Variants in PTPRO observed in about 807,000 individuals in gnomAD.
The protein encoded by PTPRO is protein tyrosine phosphatase receptor type O, also known as receptor-type tyrosine-protein phosphatase O.
A neutral mutation model predicts 145.2 loss-of-function variants in PTPRO; 62 were observed. That is an observed-to-expected ratio of 0.43 (90% CI 0.35 to 0.53). The LOEUF (loss-of-function observed/expected upper bound fraction) is 0.53. Ranked by LOEUF, PTPRO falls within the 20% of genes least tolerant of loss-of-function variation. The pLI, the probability that PTPRO is intolerant of heterozygous loss-of-function variation, is 0.01. For missense variants in PTPRO, 1,345 were observed against 1,482.7 expected (o/e 0.91, Z 1.53); for synonymous variants, 565 against 514.7 (o/e 1.10, Z -1.32).
At chr12:15,336,264 T>C (rs1866759153) in intron 1 of PTPRO, among the ~76,000 whole-genome samples, 1 of 152,270 alleles carries the variant, frequency 6.6e-6, no homozygotes, top group Non-Finnish European at 1.5e-5. Context: ...TTCCCTACTA[T>C]ACATGCTTTT....
chr12:15,507,244 C>T (rs1366803657), intron 6 of PTPRO, among the ~76,000 whole-genome samples: 2 of 151,990 alleles, frequency 1.3e-5, no homozygotes, highest in South Asian at 2.1e-4. Context: ...GAAATCTTCT[C>T]TCTACTAAAA....
intron 1 of PTPRO, among the ~76,000 whole-genome samples, chr12:15,442,903 C>A (rs959458988): frequency 4.2e-4 from 64 of 150,822 alleles, no homozygotes; most frequent in African/African-American, 1.5e-3. Context: ...CTGCCCAAAG[C>A]AATCTACACT....
At chr12:15,367,842 G>C (rs781721023) in intron 1 of PTPRO, among the ~76,000 whole-genome samples, 2 of 152,110 alleles carry the variant, frequency 1.3e-5, no homozygotes, top group South Asian at 4.1e-4. Flanking sequence ...GGCTGTTGTT[G>C]GGATAACCAC....
chr12:15,447,392 G>A (rs1437377510), intron 1 of PTPRO, among the ~76,000 whole-genome samples: 1 of 152,074 alleles, frequency 6.6e-6, no homozygotes, highest in African/African-American at 2.4e-5. Context: ...AGCAATGTGG[G>A]TGAAAAGCAA....
intron 1 of PTPRO, among the ~76,000 whole-genome samples, chr12:15,412,541 A>G (rs1939828672): frequency 6.6e-6 from 1 of 152,214 alleles, no homozygotes; most frequent in Non-Finnish European, 1.5e-5. Flanking sequence ...CATCCTCTGT[A>G]TAACTAGTTG....
intron 1 of PTPRO, among the ~76,000 whole-genome samples, chr12:15,371,790 T>C (rs1471463200): frequency 6.6e-6 from 1 of 152,180 alleles, no homozygotes; most frequent in Non-Finnish European, 1.5e-5. Context: ...GTTTCCCCCA[T>C]GCTGTTCTGA....
intron 12 of PTPRO, among the ~76,000 whole-genome samples, chr12:15,540,501 G>T (rs185116949): frequency 6.6e-6 from 1 of 152,116 alleles, no homozygotes; most frequent in Admixed American, 6.5e-5. Flanking sequence ...GACTCACCAC[G>T]CTGGTCCTTA....
At chr12:15,389,904 T>C (rs1939142277) in intron 1 of PTPRO, among the ~76,000 whole-genome samples, 1 of 152,216 alleles carries the variant, frequency 6.6e-6, no homozygotes, top group Non-Finnish European at 1.5e-5. Context: ...AAAAACTTTT[T>C]CAAGCCTTGT....
In PTPRO at chr12:15,582,077, G is replaced by A. The variant is rs554526912; in HGVS notation, c.3255+276G>A. ...AAGTATTCCTTATGGGAAATAAAGG[G>A]ATGGGTCTGGCTAGTTATCTGCAGC... is the stretch of plus-strand genomic sequence containing the variant. On this transcript the variant is annotated intron_variant, in intron 23 of 26. Transcript: ENST00000281171. 2.6e-5 allele frequency among the ~76,000 whole-genome samples: 4 copies of A among 152,346 alleles called. No individual in the cohort carries two copies. The South Asian group carries it at 6.2e-4, about 24-fold the overall frequency.
intron 1 of PTPRO, among the ~76,000 whole-genome samples, chr12:15,416,721 CTT>C (rs35515527): frequency 8.0e-4 from 114 of 141,890 alleles, no homozygotes; most frequent in Middle Eastern, 3.6e-3. Context: ...CCACTTCCTT[CTT>C]TTTTTTTTTT....
chr12:15,391,112 T>C (rs115726054), intron 1 of PTPRO, among the ~76,000 whole-genome samples: 2,386 of 152,288 alleles, frequency 0.016, 68 homozygotes, highest in African/African-American at 0.054. Flanking sequence ...TACCATTACA[T>C]TGGGGGCTAG....
intron 17 of PTPRO, among the ~76,000 whole-genome samples, chr12:15,563,099 A>G (rs1185467878): frequency 1.3e-5 from 2 of 152,174 alleles, no homozygotes; most frequent in South Asian, 4.1e-4. Flanking sequence ...TGTCATAACC[A>G]TGGCTAATTT....
At chr12:15,408,966 G>C (rs757391023) in intron 1 of PTPRO, among the ~76,000 whole-genome samples, 18 of 152,128 alleles carry the variant, frequency 1.2e-4, no homozygotes, top group Admixed American at 1.3e-4. Flanking sequence ...GTACTTAACA[G>C]AGTGCCTACT....
chr12:15,501,685 C>G lies in PTPRO; in HGVS notation c.727C>G (p.Gln243Glu). 6.2e-7 allele frequency: 1 copy of G among 1,613,876 alleles called. No homozygotes were observed. Among genetic ancestry groups the G allele is most frequent in the Non-Finnish European group, 8.5e-7 (1 of 1,179,866 alleles). ...CTTGAACAAAAACAACTGGGAAGAA[C>G]AGAGTGGCAATTTCCCAGAAGAATC... The part of the protein sequence containing the change: ...VNLNKNNWEE[Q>E]SGNFPEESFM... The change falls in exon 5 of 27, where the codon CAG (glutamine) becomes GAG (glutamate). Residue 243 changes from glutamine to glutamate, a missense_variant. Physicochemically the swap from Gln to Glu is conservative, Grantham distance 29. Coordinates refer to ENST00000281171, the MANE Select transcript of PTPRO (RefSeq NM_030667.3).
At chr12:15,353,927 G>A (rs542349518) in intron 1 of PTPRO, among the ~76,000 whole-genome samples, 3 of 152,218 alleles carry the variant, frequency 2.0e-5, no homozygotes, top group South Asian at 2.1e-4. Flanking sequence ...CATCCCACTC[G>A]TTTCCATAAA....
At chr12:15,385,126 A>G (rs1012326540) in intron 1 of PTPRO, among the ~76,000 whole-genome samples, 2 of 152,208 alleles carry the variant, frequency 1.3e-5, no homozygotes, top group African/African-American at 4.8e-5. Context: ...AGTCAATTCA[A>G]CAATTTACAG....
chr12:15,361,515 A>G (rs1160407794), intron 1 of PTPRO, among the ~76,000 whole-genome samples: 1 of 152,040 alleles, frequency 6.6e-6, no homozygotes, highest in Non-Finnish European at 1.5e-5. Flanking sequence ...CTAGTGTATC[A>G]ATAGAAGAAT....
chr12:15,371,188 A>G (rs1229599073), intron 1 of PTPRO, among the ~76,000 whole-genome samples: 1 of 152,134 alleles, frequency 6.6e-6, no homozygotes, highest in Non-Finnish European at 1.5e-5. Flanking sequence ...CTTTATAACC[A>G]GCAAATATTC....
chr12:15,553,547 G>A (rs544985178), intron 15 of PTPRO, among the ~76,000 whole-genome samples: 3 of 152,180 alleles, frequency 2.0e-5, no homozygotes, highest in Non-Finnish European at 4.4e-5. Context: ...CAGAGGGGCC[G>A]TTGTGACTAA....
Sources: gnomAD v4.1 joint callset for allele counts (sites outside exome capture counted in the v4.1 genomes callset) on GRCh38, gnomAD v4.1.1 for gene constraint, MANE v1.5 for transcripts, NCBI Gene and HGNC (gene_info 2026-07-23, HGNC 2026-07-21) for gene names.